Variants in TMTC1 observed in about 807,000 individuals in gnomAD.
TMTC1 encodes transmembrane O-mannosyltransferase targeting cadherins 1.
A neutral mutation model predicts 104.8 loss-of-function variants in TMTC1; 73 were observed. The ratio of observed to expected loss-of-function variants is 0.70; its 90% confidence interval spans 0.58 to 0.85. The LOEUF is 0.85. Among genes scored for constraint, TMTC1 ranks in the 40% least tolerant of loss-of-function variants. TMTC1 has a pLI of 0.00. For synonymous variants in TMTC1, 434 were observed against 428.7 expected (o/e 1.01, Z -0.15); for missense variants, 1,035 against 1,096.1 (o/e 0.94, Z 0.79).
At chr12:29,643,502 T>C (rs1350532944) in intron 5 of TMTC1, among the ~76,000 whole-genome samples, 2 of 59,948 alleles carry the variant, frequency 3.3e-5, no homozygotes, top group African/African-American at 7.8e-5. Context: ...TTATATATTA[T>C]ATATTTTATA....
intron 11 of TMTC1, chr12:29,534,812 T>G (rs374367000): frequency 2.0e-5 from 3 of 152,096 alleles, no homozygotes; most frequent in East Asian, 3.9e-4. Context: ...TGGCAGAAAG[T>G]CCATAAACAA....
At chr12:29,660,781 T>TAC in intron 5 of TMTC1, 1 of 808,204 alleles carries the variant, frequency 1.2e-6, no homozygotes, top group South Asian at 3.8e-5. Context: ...CAAAAGTATA[T>TAC]ATATATATAT....
chr12:29,554,116 T>C (rs895829845), intron 10 of TMTC1, among the ~76,000 whole-genome samples: 4 of 152,178 alleles, frequency 2.6e-5, no homozygotes, highest in Admixed American at 6.5e-5. Flanking sequence ...CATATACAGA[T>C]GCAACAATGA....
At chr12:29,655,991 A>C (rs1939735625) in intron 5 of TMTC1, among the ~76,000 whole-genome samples, 1 of 152,168 alleles carries the variant, frequency 6.6e-6, no homozygotes, top group African/African-American at 2.4e-5. Flanking sequence ...GTAAAAGAGA[A>C]GAAGCATCAA....
intron 5 of TMTC1, among the ~76,000 whole-genome samples, chr12:29,733,070 T>C (rs1386029161): frequency 6.6e-6 from 1 of 152,204 alleles, no homozygotes; most frequent in Non-Finnish European, 1.5e-5. Context: ...AGTGACTGCA[T>C]GTGTTACTTT....
rs80063213 is a variant in TMTC1 at position 29,700,484 on chromosome 12, G to T, written c.938+51182C>A. Among the ~76,000 whole-genome samples the T allele has an allele frequency of 4.7e-3, 720 of 152,120 alleles. 5 individuals are homozygous for T. The highest frequency in any genetic ancestry group is 0.017 in the African/African-American group (694 of 41,486). On this transcript the variant is annotated intron_variant, in intron 5 of 17. Coordinates refer to ENST00000539277, the MANE Select transcript of TMTC1 (RefSeq NM_001193451.2). Reference sequence around the variant, plus strand: ...CAAAGTTCTGGAATTATAGGCATGAGCCACCGCACCAGGCCTTGGATAGTA... The same window carrying T: ...CAAAGTTCTGGAATTATAGGCATGATCCACCGCACCAGGCCTTGGATAGTA...
chr12:29,552,214 T>C (rs1035340932), intron 10 of TMTC1, among the ~76,000 whole-genome samples: 3 of 152,114 alleles, frequency 2.0e-5, no homozygotes, highest in Non-Finnish European at 4.4e-5. Context: ...ACTTGAAATA[T>C]GGCTGTCCTG....
chr12:29,731,809 A>C (rs1396516181), intron 5 of TMTC1, among the ~76,000 whole-genome samples: 1 of 152,172 alleles, frequency 6.6e-6, no homozygotes, highest in Non-Finnish European at 1.5e-5. Context: ...CAACTGACCT[A>C]ATTCTTCCAA....
rs1943472794 is a variant in TMTC1, at chr12:29,766,714, G to C, written c.480+1184C>G. Among the ~76,000 whole-genome samples the C allele has an allele frequency of 2.6e-5, 4 of 152,236 alleles. No homozygotes were observed. The South Asian group carries it at 8.3e-4, about 32-fold the overall frequency. On this transcript the variant is annotated intron_variant, in intron 2 of 17. Transcript: ENST00000539277. ...ACCATGACATCTTTACTGCAGGTGT[G>C]TACTCAGGCAGATCAGCTTCAGGGA...
intron 5 of TMTC1, among the ~76,000 whole-genome samples, chr12:29,698,502 T>C (rs1013153407): frequency 6.6e-6 from 1 of 152,208 alleles, no homozygotes; most frequent in Middle Eastern, 3.2e-3. Context: ...CTAGTGTATG[T>C]GTCCCATCGT....
At chr12:29,549,365 GTGAT>G (rs1945034303) in intron 10 of TMTC1, among the ~76,000 whole-genome samples, 1 of 152,044 alleles carries the variant, frequency 6.6e-6, no homozygotes, top group Non-Finnish European at 1.5e-5. Context: ...AATCAGAACA[GTGAT>G]TGCCTCAGGG....
chr12:29,647,987 A>G (rs1939344839), intron 5 of TMTC1, among the ~76,000 whole-genome samples: 1 of 152,206 alleles, frequency 6.6e-6, no homozygotes, highest in Non-Finnish European at 1.5e-5. Flanking sequence ...ATGACATTTA[A>G]GGCTCCAGTC....
intron 5 of TMTC1, among the ~76,000 whole-genome samples, chr12:29,686,568 G>A (rs895906673): frequency 1.3e-5 from 2 of 152,108 alleles, no homozygotes; most frequent in African/African-American, 4.8e-5. Flanking sequence ...ATCCAGCCTG[G>A]CTCCCTGAGC....
intron 5 of TMTC1, among the ~76,000 whole-genome samples, chr12:29,693,865 T>C (rs892403113): frequency 6.6e-6 from 1 of 152,334 alleles, no homozygotes; most frequent in African/African-American, 2.4e-5. Flanking sequence ...GCAGGTTAGA[T>C]GTTATAATTT....
rs565653990 is a variant in TMTC1, at chr12:29,750,095, A to ACACAC, written c.938+1570_938+1571insGTGTG. Among the ~76,000 whole-genome samples, 7 of 149,262 alleles carry ACACAC rather than the reference A, an allele frequency of 4.7e-5. No homozygotes were observed. The South Asian group carries it at 1.5e-3, about 32-fold the overall frequency. Reference sequence around the variant, plus strand: ...CACACACACACACACACACACACACAAACTCCAGTATCTTCCCATTCCCCT... The same window carrying ACACAC: ...CACACACACACACACACACACACACACACACAACTCCAGTATCTTCCCATTCCCCT... On this transcript the variant is annotated intron_variant, in intron 5 of 17. Transcript: ENST00000539277.
intron 5 of TMTC1, among the ~76,000 whole-genome samples, chr12:29,699,745 C>T (rs1038865798): frequency 6.7e-5 from 10 of 149,468 alleles, no homozygotes; most frequent in Admixed American, 2.7e-4. Flanking sequence ...ATCGACCTCC[C>T]GGGCTCAAGC....
intron 5 of TMTC1, among the ~76,000 whole-genome samples, chr12:29,704,232 T>C (rs1941679950): frequency 6.6e-6 from 1 of 152,192 alleles, no homozygotes. Flanking sequence ...AGTAGTACCA[T>C]GGTATTTTGA....
Position 29,583,468 on chromosome 12 carries a change from G to GCAA in TMTC1, c.1354_1356dup (p.Leu453dup). On this transcript the variant is annotated inframe_insertion, in exon 8 of 18. Coordinates refer to ENST00000539277, the MANE Select transcript of TMTC1 (RefSeq NM_001193451.2). ...TGTTTCACAGTTTTCCAAGAGAAAA[G>GCAA]CAACAGCAGCAACACAGTGGACACA... is the stretch of plus-strand genomic sequence containing the variant. The GCAA allele has an allele frequency of 6.2e-7, 1 of 1,613,910 alleles. No homozygotes were observed. Among genetic ancestry groups the GCAA allele is most frequent in the Non-Finnish European group, 8.5e-7 (1 of 1,179,892 alleles).
chr12:29,758,854 A>G lies in TMTC1; in HGVS notation c.481-77T>C, dbSNP rs1435846871. On this transcript the variant is annotated intron_variant, in intron 2 of 17. Coordinates refer to ENST00000539277, the MANE Select transcript of TMTC1 (RefSeq NM_001193451.2). ...AACTATTACACAAATCCATTACAGA[A>G]ATGTATTTGTTGTTAGATAAATGGA... 6 of 1,264,144 alleles carry G rather than the reference A, an allele frequency of 4.7e-6. No individual in the cohort carries two copies. In the African/African-American group the frequency reaches 9.1e-5, roughly 19 times the overall value. 78.3% of individuals were successfully genotyped at this position (1,264,144 alleles called of 1,614,324 possible).
Sources: gnomAD v4.1 joint callset for allele counts (sites outside exome capture counted in the v4.1 genomes callset) on GRCh38, gnomAD v4.1.1 for gene constraint, MANE v1.5 for transcripts, NCBI Gene and HGNC (gene_info 2026-07-23, HGNC 2026-07-21) for gene names.